ADAMTS17: variants seen among roughly 807,000 people sequenced by gnomAD.
The protein encoded by ADAMTS17 is A disintegrin and metalloproteinase with thrombospondin motifs 17.
In ADAMTS17, 113 loss-of-function variants were observed where a neutral mutation model predicts 141.5. That is an observed-to-expected ratio of 0.80 (90% CI 0.69 to 0.93). The LOEUF is 0.93. Ranked by LOEUF, ADAMTS17 falls within the 40% of genes least tolerant of loss-of-function variation. ADAMTS17 has a pLI of 0.00. For synonymous variants in ADAMTS17, 768 were observed against 630.6 expected (o/e 1.22, Z -3.27); for missense variants, 1,659 against 1,517.9 (o/e 1.09, Z -1.54).
At chr15:100,271,781 G>A (rs1231712513) in intron 4 of ADAMTS17, among the ~76,000 whole-genome samples, 4 of 151,932 alleles carry the variant, frequency 2.6e-5, no homozygotes. Flanking sequence ...TGTGCTTTTG[G>A]TGTTGTATCC....
chr15:100,085,558 G>C (rs1467388503), intron 15 of ADAMTS17, among the ~76,000 whole-genome samples: 1 of 151,920 alleles, frequency 6.6e-6, no homozygotes, highest in Non-Finnish European at 1.5e-5. Flanking sequence ...CACCAAAGTT[G>C]AAATCAAGGA....
intron 6 of ADAMTS17, among the ~76,000 whole-genome samples, chr15:100,258,435 A>T (rs1249543912): frequency 3.3e-5 from 5 of 152,190 alleles, no homozygotes; most frequent in African/African-American, 1.2e-4. Flanking sequence ...ATAAAGACAT[A>T]CTCAAGACTG....
At position 100,243,019 on chromosome 15, in the gene ADAMTS17, G is replaced by A. The variant is rs1436781444; in HGVS notation, c.1075+11117C>T. 2.0e-5 allele frequency among the ~76,000 whole-genome samples: 3 copies of A among 152,276 alleles called. No individual in the cohort carries two copies. In the East Asian group the frequency reaches 5.8e-4, roughly 29 times the overall value. ...CTCAGCTCCTGGCAACTGCCATCCT[G>A]CTTTCTGTCTCCATGAATCTGACCA... is the stretch of plus-strand genomic sequence containing the variant. On this transcript the variant is annotated intron_variant, in intron 7 of 21. Transcript: ENST00000268070.
Position 100,023,158 on chromosome 15 carries a change from T to C in ADAMTS17, c.2592-25569A>G, listed in dbSNP as rs150982976. 8.3e-3 allele frequency among the ~76,000 whole-genome samples: 1,258 copies of C among 152,332 alleles called. 31 individuals are homozygous for C. The highest frequency in any genetic ancestry group is 0.049 in the Admixed American group (754 of 15,300). On this transcript the variant is annotated intron_variant, in intron 18 of 21. Transcript: ENST00000268070. Reference sequence around the variant, plus strand: ...AGTCTTGTTGAACCAAGTTGTGTGATGTTTTCCCTTGTCAACTTTTGTTTT... The same window carrying C: ...AGTCTTGTTGAACCAAGTTGTGTGACGTTTTCCCTTGTCAACTTTTGTTTT...
rs533744485 is a variant in ADAMTS17, at chr15:100,155,100, A to G, written c.1322+80T>C. The G allele has an allele frequency of 3.7e-6, 6 of 1,603,898 alleles. No individual in the cohort carries two copies. In the Admixed American group the frequency reaches 1.0e-4, roughly 27 times the overall value. ...AAAGAGAGTCATTTCTCCACTTCAC[A>G]CTTGCTGAGACTCCAATACTTTTGT... On this transcript the variant is annotated intron_variant, in intron 9 of 21. Transcript: ENST00000268070.
intron 12 of ADAMTS17, among the ~76,000 whole-genome samples, chr15:100,131,041 A>C (rs1434820127): frequency 6.6e-6 from 1 of 152,172 alleles, no homozygotes; most frequent in Non-Finnish European, 1.5e-5. Flanking sequence ...CAGCCATAAA[A>C]AAAGGATGGG....
intron 9 of ADAMTS17, 59 bp from the exon 10 acceptor site, chr15:100,152,821 CTTT>C: frequency 2.6e-6 from 4 of 1,515,868 alleles, no homozygotes; most frequent in Non-Finnish European, 3.5e-6. Context: ...TTTTTGTTTT[CTTT>C]TTCTTTTTTT....
intron 3 of ADAMTS17, among the ~76,000 whole-genome samples, chr15:100,302,580 C>T (rs1002201732): frequency 1.3e-5 from 2 of 152,160 alleles, no homozygotes; most frequent in Non-Finnish European, 2.9e-5. Context: ...TTTACTATAA[C>T]CATCCAAGCA....
chr15:100,141,780 C>T (rs2038666879), intron 10 of ADAMTS17, among the ~76,000 whole-genome samples: 1 of 152,258 alleles, frequency 6.6e-6, no homozygotes, highest in African/African-American at 2.4e-5. Flanking sequence ...CTACTGTAAA[C>T]TTTCAAACAC....
At chr15:100,199,826 C>T (rs796703179) in intron 7 of ADAMTS17, among the ~76,000 whole-genome samples, 1 of 152,258 alleles carries the variant, frequency 6.6e-6, no homozygotes, top group East Asian at 1.9e-4. Context: ...ACCAGGTGAG[C>T]CAGCCAGGTA....
In ADAMTS17 at chr15:100,089,454, A is replaced by C. The variant is rs1239421916; in HGVS notation, c.2137+6902T>G. ...CCTCAGGGATCTAGAACTAGAAATAACATTTGACCCAGCAATCCCATTACT... is the reference window on the plus strand; with the variant it reads ...CCTCAGGGATCTAGAACTAGAAATACCATTTGACCCAGCAATCCCATTACT... On this transcript the variant is annotated intron_variant, in intron 15 of 21. Transcript: ENST00000268070. 1.8e-3 allele frequency among the ~76,000 whole-genome samples: 264 copies of C among 150,390 alleles called. 1 individual carries two copies. The highest frequency in any genetic ancestry group is 0.017 in the Middle Eastern group (5 of 294).
At chr15:100,160,686 G>A (rs886682642) in intron 8 of ADAMTS17, among the ~76,000 whole-genome samples, 2 of 152,196 alleles carry the variant, frequency 1.3e-5, no homozygotes, top group Admixed American at 1.3e-4. Flanking sequence ...GTTTCACTCT[G>A]CCGGCCGAGA....
At position 100,077,352 on chromosome 15, in the gene ADAMTS17, C is replaced by T. The variant is rs540182054; in HGVS notation, c.2137+19004G>A. On this transcript the variant is annotated intron_variant, in intron 15 of 21. Transcript: ENST00000268070. ...TGGTGCGTGCCTGTAATCCCAGCTA[C>T]TCAGGAGGCTGAGGCACGAGAATCG... Among the ~76,000 whole-genome samples, 4 of 143,410 alleles carry T rather than the reference C, an allele frequency of 2.8e-5. No individual in the cohort carries two copies. The East Asian group carries it at 8.4e-4, about 30-fold the overall frequency. 94.1% of individuals were successfully genotyped at this position (143,410 alleles called of 152,430 possible).
At chr15:99,999,738 G>A in intron 18 of ADAMTS17, among the ~76,000 whole-genome samples, 1 of 152,190 alleles carries the variant, frequency 6.6e-6, no homozygotes, top group East Asian at 1.9e-4. Context: ...AGAAGCAGCG[G>A]CAGGGAGACC....
chr15:100,321,915 A>C (rs11638176), intron 3 of ADAMTS17, among the ~76,000 whole-genome samples: 41,853 of 152,148 alleles, frequency 0.28, 6,695 homozygotes, highest in East Asian at 0.5. Flanking sequence ...TACTCTTTTC[A>C]TTTATACATA....
intron 18 of ADAMTS17, among the ~76,000 whole-genome samples, chr15:100,037,897 C>T (rs1794028088): frequency 6.6e-6 from 1 of 151,990 alleles, no homozygotes; most frequent in African/African-American, 2.4e-5. Flanking sequence ...CCCCACCACC[C>T]AAGTAGCTGG....
chr15:100,051,139 C>T (rs1018312372), intron 17 of ADAMTS17, among the ~76,000 whole-genome samples: 4 of 152,310 alleles, frequency 2.6e-5, no homozygotes, highest in Admixed American at 2.0e-4. Context: ...ACTTGCAGGA[C>T]TTTTTCTTTC....
At chr15:100,337,716 G>A (rs1263587505) in intron 2 of ADAMTS17, among the ~76,000 whole-genome samples, 2 of 152,240 alleles carry the variant, frequency 1.3e-5, no homozygotes, top group African/African-American at 4.8e-5. Context: ...GACCAAACCC[G>A]ACAGCAGGGG....
intron 18 of ADAMTS17, among the ~76,000 whole-genome samples, chr15:100,030,647 G>A (rs922035614): frequency 6.6e-6 from 1 of 152,188 alleles, no homozygotes; most frequent in Non-Finnish European, 1.5e-5. Flanking sequence ...AAGTTCACAA[G>A]TAGAGAGCTC....
Sources: allele counts gnomAD v4.1 joint callset (sites outside exome capture counted in the v4.1 genomes callset), GRCh38; gene constraint gnomAD v4.1.1; transcripts MANE v1.5; gene names NCBI Gene and HGNC (gene_info 2026-07-23, HGNC 2026-07-21).